The following AMPH variants were observed in gnomAD, a reference collection of about 807,000 sequenced individuals.
AMPH encodes amphiphysin, also known as amphiphysin (Stiff-Mann syndrome with breast cancer 128kD autoantigen).
In AMPH, 49 loss-of-function variants were observed where a neutral mutation model predicts 99.1. The ratio of observed to expected loss-of-function variants is 0.49; its 90% confidence interval spans 0.39 to 0.63. The LOEUF is 0.63. Among genes scored for constraint, AMPH ranks in the 20% least tolerant of loss-of-function variants. AMPH has a pLI of 0.00. For missense variants in AMPH, 759 were observed against 863.4 expected (o/e 0.88, Z 1.52); for synonymous variants, 314 against 317.3 (o/e 0.99, Z 0.11).
chr7:38,407,076 A>ATATATATATATATGTGTG (rs1478238678), intron 17 of AMPH, among the ~76,000 whole-genome samples: 1 of 19,732 alleles, frequency 5.1e-5, no homozygotes, highest in African/African-American at 1.9e-4. Context: ...ATATATATAT[A>ATATATATATATATGTGTG]TGTGTGTGTG....
intron 5 of AMPH, among the ~76,000 whole-genome samples, chr7:38,481,794 T>A (rs1788293081): frequency 1.3e-5 from 2 of 152,256 alleles, no homozygotes; most frequent in South Asian, 4.1e-4. Context: ...GGAAGTCAAC[T>A]GTGTTCCATG....
chr7:38,501,851 CATGA>C (rs1425561539), intron 3 of AMPH, among the ~76,000 whole-genome samples: 1 of 152,040 alleles, frequency 6.6e-6, no homozygotes, highest in Non-Finnish European at 1.5e-5. Context: ...CCCAGCAATA[CATGA>C]ATGGAGTCCA....
At position 38,527,906 on chromosome 7, in the gene AMPH, T is replaced by C. The variant is rs537804661; in HGVS notation, c.150+7025A>G. ...TCTTTGTAGATGTTCTTTACCAAAA[T>C]GAGGTAATTCTCTTCTATTCGTAAC... On this transcript the variant is annotated intron_variant, in intron 2 of 20. Transcript: ENST00000356264. Among the ~76,000 whole-genome samples, 3 of 152,340 alleles carry C rather than the reference T, an allele frequency of 2.0e-5. No individual in the cohort carries two copies. In the South Asian group the frequency reaches 6.2e-4, roughly 32 times the overall value.
At chr7:38,581,747 A>G (rs1792473724) in intron 1 of AMPH, among the ~76,000 whole-genome samples, 2 of 152,166 alleles carry the variant, frequency 1.3e-5, no homozygotes, top group Admixed American at 1.3e-4. Context: ...AGCATTCTAC[A>G]TCTATTTTAG....
chr7:38,605,145 A>T (rs1019094462), intron 1 of AMPH, among the ~76,000 whole-genome samples: 4 of 152,282 alleles, frequency 2.6e-5, no homozygotes, highest in Admixed American at 6.5e-5. Context: ...TAGACAGAGG[A>T]TAAACTGTTA....
intron 1 of AMPH, among the ~76,000 whole-genome samples, chr7:38,580,119 C>T (rs764798518): frequency 2.0e-5 from 3 of 152,104 alleles, no homozygotes; most frequent in Non-Finnish European, 1.5e-5. Flanking sequence ...AGATTTTGAT[C>T]CCAAACTAGG....
Position 38,423,735 on chromosome 7 carries a change from A to G in AMPH, c.1216-1258T>C, listed in dbSNP as rs1353971518. Among the ~76,000 whole-genome samples the G allele has an allele frequency of 3.3e-5, 5 of 152,334 alleles. No individual in the cohort carries two copies. In the East Asian group the frequency reaches 9.7e-4, roughly 29 times the overall value. On this transcript the variant is annotated intron_variant, in intron 15 of 20. Coordinates refer to ENST00000356264, the MANE Select transcript of AMPH (RefSeq NM_001635.4). ...TTAGAACTCCCAGTGGTGAAAAATTAGAAGCATAAAGAGCCACAGGAAACA... is the reference window on the plus strand; with the variant it reads ...TTAGAACTCCCAGTGGTGAAAAATTGGAAGCATAAAGAGCCACAGGAAACA...
In AMPH at chr7:38,525,271, TATATATAGAGAG is replaced by T. The variant is rs1292255759; in HGVS notation, c.150+9648_150+9659del. On this transcript the variant is annotated intron_variant, in intron 2 of 20. Transcript: ENST00000356264. ...GTGTGTGTGTGTGTATATATATATATATATATAGAGAGAGAGAGAGAGAGAGAGAGAGAGAGA... is the reference window on the plus strand; with the variant it reads ...GTGTGTGTGTGTGTATATATATATATAGAGAGAGAGAGAGAGAGAGAGAGA... 2.0e-3 allele frequency among the ~76,000 whole-genome samples: 146 copies of T among 71,334 alleles called. 1 individual carries two copies. Among genetic ancestry groups the T allele is most frequent in the South Asian group, 8.9e-3 (18 of 2,028 alleles). The allele number at this position is 71,334 out of a possible 152,430, so 46.8% of individuals were successfully genotyped here.
At chr7:38,574,969 A>G (rs1792179820) in intron 1 of AMPH, among the ~76,000 whole-genome samples, 1 of 150,064 alleles carries the variant, frequency 6.7e-6, no homozygotes, top group African/African-American at 2.5e-5. Context: ...CAGGAGTATC[A>G]CTTGAACCCA....
At chr7:38,606,911 A>G (rs1034925665) in intron 1 of AMPH, among the ~76,000 whole-genome samples, 2 of 152,034 alleles carry the variant, frequency 1.3e-5, no homozygotes, top group Non-Finnish European at 2.9e-5. Flanking sequence ...TATTCATTAC[A>G]CTGTATGAAT....
chr7:38,461,978 T>C lies in AMPH; in HGVS notation c.889-567A>G, dbSNP rs867054238. ...TTCAATCTATGATTTTTTTGGACTTTAGGAAAGTGTAAAAGCAATAGGCAT... is the reference window on the plus strand; with the variant it reads ...TTCAATCTATGATTTTTTTGGACTTCAGGAAAGTGTAAAAGCAATAGGCAT... On this transcript the variant is annotated intron_variant, in intron 10 of 20. Transcript: ENST00000356264. 2.0e-5 allele frequency among the ~76,000 whole-genome samples: 3 copies of C among 152,322 alleles called. 1 individual carries two copies. The South Asian group carries it at 6.2e-4, about 32-fold the overall frequency.
chr7:38,503,774 AG>A, intron 2 of AMPH, 70 bp from the exon 3 acceptor site: 2 of 1,473,260 alleles, frequency 1.4e-6, no homozygotes, highest in Non-Finnish European at 1.9e-6. Flanking sequence ...AGAAGTGCTA[AG>A]TCTCAAAGTT....
chr7:38,564,269 G>A (rs1426546078), intron 1 of AMPH, among the ~76,000 whole-genome samples: 2 of 152,230 alleles, frequency 1.3e-5, no homozygotes, highest in Non-Finnish European at 2.9e-5. Flanking sequence ...TGGAGATGAG[G>A]TGACAGAACC....
chr7:38,483,774 G>C (rs376380443), intron 5 of AMPH, among the ~76,000 whole-genome samples: 1 of 152,052 alleles, frequency 6.6e-6, no homozygotes, highest in Non-Finnish European at 1.5e-5. Context: ...AGGGAAATAT[G>C]TTTCAAACAA....
At chr7:38,514,149 C>CATTTGATA (rs1789647394) in intron 2 of AMPH, among the ~76,000 whole-genome samples, 1 of 152,124 alleles carries the variant, frequency 6.6e-6, no homozygotes, top group Non-Finnish European at 1.5e-5. Flanking sequence ...TATTGTCTGC[C>CATTTGATA]TCCCTGTTTT....
At position 38,556,546 on chromosome 7, in the gene AMPH, T is replaced by C. The variant is rs534503998; in HGVS notation, c.70-21535A>G. Among the ~76,000 whole-genome samples, 5 of 152,290 alleles carry C rather than the reference T, an allele frequency of 3.3e-5. No homozygotes were observed. The South Asian group carries it at 1.0e-3, about 32-fold the overall frequency. The stretch of plus-strand genomic sequence containing the variant: ...CAGTCAAGGAGGGCTTTCAGCCTTC[T>C]TCTTAAAGGATAACTGGGGGCGACT... On this transcript the variant is annotated intron_variant, in intron 1 of 20. Transcript: ENST00000356264.
At chr7:38,552,690 T>C (rs947711154) in intron 1 of AMPH, among the ~76,000 whole-genome samples, 1 of 152,090 alleles carries the variant, frequency 6.6e-6, no homozygotes, top group Non-Finnish European at 1.5e-5. Context: ...ACCATTAATT[T>C]CCCTATGTAA....
chr7:38,538,226 C>A (rs56167537), intron 1 of AMPH, among the ~76,000 whole-genome samples: 6,670 of 152,260 alleles, frequency 0.044, 191 homozygotes, highest in African/African-American at 0.08. Flanking sequence ...ATTTCAAATA[C>A]ATTCTGAGAA....
chr7:38,561,287 T>A (rs1175066208), intron 1 of AMPH, among the ~76,000 whole-genome samples: 3 of 152,224 alleles, frequency 2.0e-5, no homozygotes, highest in Non-Finnish European at 4.4e-5. Context: ...TTAATAGTTA[T>A]CAACATTCCA....
Sources: allele counts gnomAD v4.1 joint callset (sites outside exome capture counted in the v4.1 genomes callset), GRCh38; gene constraint gnomAD v4.1.1; transcripts MANE v1.5; gene names NCBI Gene and HGNC (gene_info 2026-07-23, HGNC 2026-07-21).